RHOJ: variants seen among roughly 807,000 people sequenced by gnomAD.
RHOJ encodes the protein ras homolog family member J.
RHOJ carries 11 observed loss-of-function variants against 23.4 expected under a neutral mutation model. The observed-to-expected ratio is 0.47, with a 90% CI of 0.30 to 0.78. The LOEUF (loss-of-function observed/expected upper bound fraction) is 0.78. RHOJ is among the 30% of genes least tolerant of loss of function. The pLI, the probability that RHOJ is intolerant of heterozygous loss-of-function variation, is 0.08. For missense variants in RHOJ, 254 were observed against 273.4 expected, an observed-to-expected ratio of 0.93 and a Z score of 0.50; for synonymous variants, 102 against 102.7, an observed-to-expected ratio of 0.99 and a Z score of 0.04.
intron 1 of RHOJ, among the ~76,000 whole-genome samples, chr14:63,239,219 C>T (rs1227971092): frequency 6.6e-6 from 1 of 152,188 alleles, no homozygotes; most frequent in East Asian, 1.9e-4. Flanking sequence ...TCAAGCGATT[C>T]TCCTGCTTCA....
At chr14:63,224,016 C>G (rs2139740362) in intron 1 of RHOJ, among the ~76,000 whole-genome samples, 1 of 152,262 alleles carries the variant, frequency 6.6e-6, no homozygotes, top group African/African-American at 2.4e-5. Context: ...TAACATAGCG[C>G]TCCAGGGGTC....
intron 4 of RHOJ, chr14:63,288,389 G>A: frequency 1.0e-6 from 1 of 955,846 alleles, no homozygotes; most frequent in Non-Finnish European, 1.2e-6. Context: ...ATCCTTAGTG[G>A]AGAGGTATTC....
chr14:63,228,110 T>C (rs189240006), intron 1 of RHOJ, among the ~76,000 whole-genome samples: 118 of 152,350 alleles, frequency 7.7e-4, no homozygotes, highest in African/African-American at 2.7e-3. Context: ...CCTATGAGCA[T>C]GTCCAAGCAC....
chr14:63,239,140 T>TCTA (rs1894841254), intron 1 of RHOJ, among the ~76,000 whole-genome samples: 1 of 151,852 alleles, frequency 6.6e-6, no homozygotes, highest in Admixed American at 6.6e-5. Flanking sequence ...TGAAATGGAG[T>TCTA]CTACTCTCTC....
At chr14:63,209,756 C>G (rs192760054) in intron 1 of RHOJ, among the ~76,000 whole-genome samples, 16 of 152,218 alleles carry the variant, frequency 1.1e-4, no homozygotes, top group Admixed American at 9.8e-4. Flanking sequence ...CCTTCCAACA[C>G]TTAGATAGTT....
At chr14:63,236,751 A>ACACACACT (rs1304079764) in intron 1 of RHOJ, among the ~76,000 whole-genome samples, 2 of 131,610 alleles carry the variant, frequency 1.5e-5, no homozygotes, top group African/African-American at 5.9e-5. Context: ...GGCTTGAAAC[A>ACACACACT]CACACACACA....
intron 1 of RHOJ, among the ~76,000 whole-genome samples, chr14:63,253,395 TA>T (rs1342609562): frequency 6.6e-6 from 1 of 151,516 alleles, no homozygotes; most frequent in Non-Finnish European, 1.5e-5. Flanking sequence ...GCTTCCCAAG[TA>T]GCTAATTTTT....
At chr14:63,254,894 T>C (rs1895135840) in intron 1 of RHOJ, among the ~76,000 whole-genome samples, 2 of 152,094 alleles carry the variant, frequency 1.3e-5, no homozygotes, top group Non-Finnish European at 2.9e-5. Flanking sequence ...AGAAAGCACG[T>C]TGGGTTTTTA....
At chr14:63,261,848 G>A (rs1895278746) in intron 1 of RHOJ, among the ~76,000 whole-genome samples, 1 of 152,064 alleles carries the variant, frequency 6.6e-6, no homozygotes, top group Admixed American at 6.5e-5. Context: ...AATCTTTGAC[G>A]TGCTCATCCT....
intron 1 of RHOJ, among the ~76,000 whole-genome samples, chr14:63,260,344 C>A (rs1237843535): frequency 1.3e-5 from 2 of 152,194 alleles, no homozygotes; most frequent in South Asian, 2.1e-4. Context: ...CTATTTATCA[C>A]ACGTTCTACT....
chr14:63,236,020 A>C (rs79426346), intron 1 of RHOJ, among the ~76,000 whole-genome samples: 6,847 of 152,320 alleles, frequency 0.045, 569 homozygotes, highest in African/African-American at 0.16. Flanking sequence ...TACATTTCTT[A>C]ATTATTTCAA....
intron 2 of RHOJ, among the ~76,000 whole-genome samples, chr14:63,273,892 A>G (rs1895516316): frequency 6.6e-6 from 1 of 152,222 alleles, no homozygotes; most frequent in African/African-American, 2.4e-5. Context: ...GAACCACTGC[A>G]TGTGGGCAAG....
Position 63,216,995 on chromosome 14 carries a change from T to C in RHOJ, c.178+11948T>C, listed in dbSNP as rs141253021. On this transcript the variant is annotated intron_variant, in intron 1 of 4. Coordinates refer to ENST00000316754, the MANE Select transcript of RHOJ (RefSeq NM_020663.5). ...TATTTCAAGACCTAGAAAATTCTCA[T>C]CCCTGTCATCCTCAGATGATACACC... Among the ~76,000 whole-genome samples the C allele has an allele frequency of 9.2e-5, 14 of 152,252 alleles. No homozygotes were observed. In the East Asian group the frequency reaches 2.7e-3, roughly 29 times the overall value.
chr14:63,210,168 G>C (rs1212612864), intron 1 of RHOJ, among the ~76,000 whole-genome samples: 2 of 151,562 alleles, frequency 1.3e-5, no homozygotes, highest in Non-Finnish European at 2.9e-5. Context: ...CACCATGTTG[G>C]CCAGGATGGT....
At chr14:63,279,408 T>G (rs1881828663) in intron 2 of RHOJ, among the ~76,000 whole-genome samples, 1 of 152,252 alleles carries the variant, frequency 6.6e-6, no homozygotes, top group Non-Finnish European at 1.5e-5. Context: ...ATATGGTATG[T>G]GTATGCACGC....
chr14:63,283,068 AT>A (rs1212697879), intron 3 of RHOJ, 52 bp from the exon 4 acceptor site: 21 of 1,411,578 alleles, frequency 1.5e-5, no homozygotes, highest in Non-Finnish European at 2.1e-5. Flanking sequence ...AGTTTAAAAT[AT>A]CTGGCAAGGC....
intron 1 of RHOJ, among the ~76,000 whole-genome samples, chr14:63,241,969 T>G (rs1331481212): frequency 1.3e-5 from 2 of 152,184 alleles, no homozygotes; most frequent in Non-Finnish European, 2.9e-5. Flanking sequence ...TGGTGGTAAG[T>G]CCAAAGGAAG....
At chr14:63,261,869 GA>G (rs1436970951) in intron 1 of RHOJ, among the ~76,000 whole-genome samples, 4 of 152,172 alleles carry the variant, frequency 2.6e-5, no homozygotes, top group Admixed American at 2.6e-4. Flanking sequence ...ATATTCGCAT[GA>G]AAGCTGTGTT....
chr14:63,225,556 A>G (rs1251945869), intron 1 of RHOJ, among the ~76,000 whole-genome samples: 1 of 152,246 alleles, frequency 6.6e-6, no homozygotes, highest in African/African-American at 2.4e-5. Context: ...CCATGATTGT[A>G]TAAATCCAGT....
Sources: gnomAD v4.1 joint callset for allele counts (sites outside exome capture counted in the v4.1 genomes callset) on GRCh38, gnomAD v4.1.1 for gene constraint, MANE v1.5 for transcripts, NCBI Gene and HGNC (gene_info 2026-07-23, HGNC 2026-07-21) for gene names.